Variants in ZNF433 observed in about 807,000 individuals in gnomAD.
ZNF433 encodes the protein zinc finger protein 433.
In ZNF433, 12 loss-of-function variants were observed where a neutral mutation model predicts 10.6. The ratio of observed to expected loss-of-function variants is 1.13; its 90% confidence interval spans 0.72 to 1.83. ZNF433 has a LOEUF of 1.83. Ranked by LOEUF, ZNF433 falls within the 40% of genes most tolerant of loss-of-function variation. The probability of loss-of-function intolerance (pLI) is 0.00; values close to 1 mark genes in which losing one functional copy is unlikely to be tolerated. For synonymous variants in ZNF433, 272 were observed against 271.3 expected, an observed-to-expected ratio of 1.00 and a Z score of -0.02; for missense variants, 737 against 798.0, an observed-to-expected ratio of 0.92 and a Z score of 0.92.
At chr19:12,019,234 AAC>A (rs1251331268) in intron 1 of ZNF433, among the ~76,000 whole-genome samples, 1 of 151,854 alleles carries the variant, frequency 6.6e-6, no homozygotes, top group African/African-American at 2.4e-5. Context: ...CAGCCTGGCC[AAC>A]ATGGTGAAAC....
chr19:12,017,301 C>T (rs766467302), intron 3 of ZNF433, among the ~76,000 whole-genome samples: 1 of 151,954 alleles, frequency 6.6e-6, no homozygotes, highest in South Asian at 2.1e-4. Context: ...CTCCTGGGTT[C>T]AAGCGATTCT....
chr19:12,029,521 CAAAAAAAAAAAA>C (rs55659942), intron 1 of ZNF433, among the ~76,000 whole-genome samples: 5 of 48,458 alleles, frequency 1.0e-4, no homozygotes, highest in South Asian at 1.5e-3. Flanking sequence ...GACTCTGTCT[CAAAAAAAAAAAA>C]AAAAAAAAAA....
chr19:12,014,877 G>A lies in ZNF433; in HGVS notation c.1981C>T (p.His661Tyr). 5.0e-6 allele frequency: 8 copies of A among 1,604,332 alleles called. No homozygotes were observed. The highest frequency in any genetic ancestry group is 6.8e-6 in the Non-Finnish European group (8 of 1,174,474). ...GTGTCTATGCAGTGAGCCCTTCCAT[G>A]CACTTGAAGTTGTGAAGAACATCTA... is the stretch of plus-strand genomic sequence containing the variant. ...VFRCSSQLQV[H>Y]GRAHCIDTP Residue 661 changes from histidine (H) to tyrosine (Y), a missense_variant, in exon 4 of 4, where the codon CAT becomes TAT. His to Tyr is a moderately conservative substitution (Grantham distance 83). Transcript: ENST00000550507.
chr19:12,026,695 C>T (rs780182640), intron 1 of ZNF433: 7 of 454,038 alleles, frequency 1.5e-5, no homozygotes, highest in Admixed American at 9.4e-5. Context: ...AAAAAATGAA[C>T]GTACTTGTTT....
chr19:12,034,233 C>G (rs1318430350), intron 1 of ZNF433, among the ~76,000 whole-genome samples: 1 of 152,132 alleles, frequency 6.6e-6, no homozygotes, highest in African/African-American at 2.4e-5. Flanking sequence ...GTCGAGTAAC[C>G]TCTGATTATA....
At chr19:12,019,355 G>A (rs1288837642) in intron 1 of ZNF433, among the ~76,000 whole-genome samples, 1 of 152,020 alleles carries the variant, frequency 6.6e-6, no homozygotes, top group African/African-American at 2.4e-5. Flanking sequence ...AGAAGTTGGA[G>A]GTTGCAGTGA....
Position 12,014,913 on chromosome 19 carries a change from C to G in ZNF433, c.1945G>C (p.Gly649Arg). 3.1e-6 allele frequency: 5 copies of G among 1,613,718 alleles called. No homozygotes were observed. The highest frequency in any genetic ancestry group is 4.2e-6 in the Non-Finnish European group (5 of 1,179,790). Residue 649 changes from glycine to arginine, a missense_variant, in exon 4 of 4, where the codon GGT becomes CGT. Coordinates refer to ENST00000550507, the MANE Select transcript of ZNF433 (RefSeq NM_001308348.2). ...TGTGAAGAACATCTAAAGACTTTAC[C>G]ACATTGGTTACATTTATAGGGTTTC... ...GEKPYKCNQC[G>R]KVFRCSSQLQ...
chr19:12,018,106 C>CAA lies in ZNF433; in HGVS notation c.130+59_130+60insTT. On this transcript the variant is annotated intron_variant, in intron 2 of 3. Transcript: ENST00000550507. ...TACATGAGCTAAAAATACTTGTTCT[C>CAA]AGAAAAAAAAAAAAACTTGTTGTCT... The CAA allele has an allele frequency of 8.4e-6, 12 of 1,422,236 alleles. No homozygotes were observed. In the South Asian group the frequency reaches 1.7e-4, roughly 20 times the overall value. 88.1% of individuals were successfully genotyped at this position (1,422,236 alleles called of 1,614,324 possible). A position where few individuals can be genotyped will look rare whatever the true frequency, so the allele number is the denominator to read the frequency against.
chr19:12,024,973 T>A (rs1409377598), intron 1 of ZNF433: 2 of 152,242 alleles, frequency 1.3e-5, no homozygotes, highest in Admixed American at 6.5e-5. Context: ...GTATTCTCGA[T>A]AATCATTTTC....
At chr19:12,033,450 T>C (rs1454632596) in intron 1 of ZNF433, among the ~76,000 whole-genome samples, 35 of 144,168 alleles carry the variant, frequency 2.4e-4, no homozygotes, top group East Asian at 6.2e-4. Context: ...ACCCGGGAGG[T>C]GGAGCTTGCA....
chr19:12,020,975 T>C (rs559270343), intron 1 of ZNF433, among the ~76,000 whole-genome samples: 3 of 150,994 alleles, frequency 2.0e-5, no homozygotes, highest in Admixed American at 1.3e-4. Flanking sequence ...CTTTACTGTT[T>C]TTTTTTTTTT....
At chr19:12,018,490 G>A in intron 1 of ZNF433, 198 bp from the exon 2 acceptor site, 1 of 498,506 alleles carries the variant, frequency 2.0e-6, no homozygotes, top group Non-Finnish European at 3.2e-6. Flanking sequence ...ATGTGGTAAA[G>A]CAACAGTAGA....
intron 1 of ZNF433, chr19:12,030,236 T>G: frequency 2.3e-6 from 1 of 426,008 alleles, no homozygotes; most frequent in Middle Eastern, 3.5e-4. Flanking sequence ...ATTTTTTTAT[T>G]TTTTTGAGAC....
chr19:12,026,428 G>T (rs1974736977), intron 1 of ZNF433: 1 of 306,116 alleles, frequency 3.3e-6, no homozygotes, highest in South Asian at 2.6e-5. Context: ...CAGTCACAAT[G>T]AGTAATTTAA....
rs778784036 is a variant in ZNF433 at position 12,016,231 on chromosome 19, C to G, written c.627G>C (p.Leu209Phe). Reference sequence around the variant, plus strand: ...TGTGAGTTCGTTTGTGGATAAGATACAAACTGAGAAACATCAAGGCTTTCC... The same window carrying G: ...TGTGAGTTCGTTTGTGGATAAGATAGAAACTGAGAAACATCAAGGCTTTCC... ...FCGKALMFLS[L>F]YLIHKRTHTG... Residue 209 changes from leucine (L) to phenylalanine (F), a missense_variant, in exon 4 of 4, where the codon TTG becomes TTC. Transcript: ENST00000550507. 5 of 1,614,136 alleles carry G rather than the reference C, an allele frequency of 3.1e-6. No homozygotes were observed. The highest frequency in any genetic ancestry group is 4.2e-6 in the Non-Finnish European group (5 of 1,180,026).
intron 1 of ZNF433, among the ~76,000 whole-genome samples, chr19:12,031,317 A>AAAAAAAAAAAAAAAAAC (rs1568342004): frequency 1.4e-4 from 16 of 116,962 alleles, no homozygotes; most frequent in African/African-American, 4.0e-4. Flanking sequence ...AAAACAAAAC[A>AAAAAAAAAAAAAAAAAC]AAAAAAAAAA....
intron 1 of ZNF433, 30 bp downstream of exon 1, chr19:12,035,507 C>G (rs1421126286): frequency 6.4e-7 from 1 of 1,567,760 alleles, no homozygotes; most frequent in Middle Eastern, 1.7e-4. Context: ...GCTCCTCCCC[C>G]GCCTCGGGAC....
At position 12,015,435 on chromosome 19, in the gene ZNF433, A is replaced by G. The variant is rs1974122240; in HGVS notation, c.1423T>C (p.Tyr475His). ...GTTTTCCCATAACCCTTACATTCATACGGCTTCTCTTCTCTGTGCATCCTT... is the reference window on the plus strand; with the variant it reads ...GTTTTCCCATAACCCTTACATTCATGCGGCTTCTCTTCTCTGTGCATCCTT... ...HERMHREEKP[Y>H]ECKGYGKTFS... is the part of the protein sequence containing the mutation. The change falls in exon 4 of 4, where the codon TAT (tyrosine) becomes CAT (histidine). Residue 475 changes from tyrosine to histidine, a missense_variant. Tyr to His is a moderately conservative substitution (Grantham distance 83). Coordinates refer to ENST00000550507, the MANE Select transcript of ZNF433 (RefSeq NM_001308348.2). 6.2e-7 allele frequency: 1 copy of G among 1,614,044 alleles called. No individual in the cohort carries two copies. Among genetic ancestry groups the G allele is most frequent in the Non-Finnish European group, 8.5e-7 (1 of 1,179,940 alleles).
At position 12,015,097 on chromosome 19, in the gene ZNF433, A is replaced by G; in HGVS notation, c.1761T>C (p.Tyr587=). 6.2e-7 allele frequency: 1 copy of G among 1,614,020 alleles called. No homozygotes were observed. Among genetic ancestry groups the G allele is most frequent in the Non-Finnish European group, 8.5e-7 (1 of 1,179,974 alleles). ...HGRTHTGEKP[Y]ECKQCGKSFG... ...AAGACTTCCCACACTGCTTACATTC[A>G]TAGGGTTTCTCTCCAGTGTGAGTCC... Residue 587 remains tyrosine, a synonymous_variant, in exon 4 of 4, where the codon TAT becomes TAC. Coordinates refer to ENST00000550507, the MANE Select transcript of ZNF433 (RefSeq NM_001308348.2).
Sources: allele counts gnomAD v4.1 joint callset (sites outside exome capture counted in the v4.1 genomes callset), GRCh38; gene constraint gnomAD v4.1.1; transcripts MANE v1.5; gene names NCBI Gene and HGNC (gene_info 2026-07-23, HGNC 2026-07-21).